Variants in RFX4 observed in about 807,000 individuals in gnomAD.
RFX4 encodes regulatory factor X4.
A neutral mutation model predicts 95.0 loss-of-function variants in RFX4; 10 were observed. That is an observed-to-expected ratio of 0.11 (90% CI 0.06 to 0.18). The LOEUF (loss-of-function observed/expected upper bound fraction) is 0.18. Among genes scored for constraint, RFX4 ranks in the 10% least tolerant of loss-of-function variants. The pLI, the probability that RFX4 is intolerant of heterozygous loss-of-function variation, is 1.00. For synonymous variants in RFX4, 321 were observed against 340.7 expected, an observed-to-expected ratio of 0.94 and a Z score of 0.64; for missense variants, 640 against 922.0, an observed-to-expected ratio of 0.69 and a Z score of 3.96.
At chr12:106,703,998 G>A (rs1346587668) in intron 8 of RFX4, among the ~76,000 whole-genome samples, 1 of 149,848 alleles carries the variant, frequency 6.7e-6, no homozygotes, top group Non-Finnish European at 1.5e-5. Context: ...TCCAGGAGGC[G>A]GAGGTTGCAG....
chr12:106,653,625 T>A (rs573320320), intron 3 of RFX4, among the ~76,000 whole-genome samples: 2 of 152,358 alleles, frequency 1.3e-5, no homozygotes, highest in South Asian at 4.1e-4. Flanking sequence ...TCATTATTCC[T>A]AGCACAGCAG....
At chr12:106,677,797 T>C (rs547107423) in intron 4 of RFX4, among the ~76,000 whole-genome samples, 1 of 152,072 alleles carries the variant, frequency 6.6e-6, no homozygotes, top group African/African-American at 2.4e-5. Flanking sequence ...GTCCAGGCAG[T>C]GAGAGATCAC....
In RFX4 at chr12:106,761,293, G is replaced by T; in HGVS notation, c.2032G>T (p.Val678Leu). The change falls in exon 18 of 18, where the codon GTG becomes TTG. Residue 678 changes from valine (V) to leucine (L), a missense_variant. Val to Leu is a conservative substitution (Grantham distance 32). Coordinates refer to ENST00000392842, the MANE Select transcript of RFX4 (RefSeq NM_213594.3). ...PTPVTPRWPEVPSANTCYTSP... is the reference protein window; with the variant it reads ...PTPVTPRWPELPSANTCYTSP... Reference sequence around the variant, plus strand: ...CCCAGTCACTCCCCGCTGGCCAGAGGTGCCCTCAGCCAACACGTGCTACAC... The same window carrying T: ...CCCAGTCACTCCCCGCTGGCCAGAGTTGCCCTCAGCCAACACGTGCTACAC... 6.2e-7 allele frequency: 1 copy of T among 1,614,052 alleles called. No homozygotes were observed. The highest frequency in any genetic ancestry group is 1.1e-5 in the South Asian group (1 of 91,080).
At chr12:106,716,624 T>G (rs2042297506) in intron 11 of RFX4, among the ~76,000 whole-genome samples, 1 of 152,156 alleles carries the variant, frequency 6.6e-6, no homozygotes, top group Non-Finnish European at 1.5e-5. Flanking sequence ...CTTTCCTGGC[T>G]TAGCCCAAAC....
At chr12:106,598,412 G>T (rs182169311) in intron 1 of RFX4, among the ~76,000 whole-genome samples, 160 of 152,250 alleles carry the variant, frequency 1.1e-3, no homozygotes, top group Non-Finnish European at 1.9e-3. Context: ...TGCTATGTTT[G>T]CTAGAGTTAC....
At chr12:106,610,833 G>C (rs1304904490) in intron 2 of RFX4, among the ~76,000 whole-genome samples, 1 of 152,138 alleles carries the variant, frequency 6.6e-6, no homozygotes, top group Non-Finnish European at 1.5e-5. Flanking sequence ...TATATACCCA[G>C]AAATGAAATT....
chr12:106,660,342 G>A (rs2041047207), intron 4 of RFX4, among the ~76,000 whole-genome samples: 1 of 151,920 alleles, frequency 6.6e-6, no homozygotes, highest in Non-Finnish European at 1.5e-5. Flanking sequence ...TGAGAACCAG[G>A]CTGGTTGTGG....
intron 2 of RFX4, among the ~76,000 whole-genome samples, chr12:106,627,155 A>G (rs17038586): frequency 0.033 from 5,069 of 152,314 alleles, 215 homozygotes; most frequent in African/African-American, 0.099. Flanking sequence ...TATCTATAGC[A>G]AATGGTAGGG....
chr12:106,601,179 G>A, intron 1 of RFX4: 5 of 1,520,436 alleles, frequency 3.3e-6, no homozygotes, highest in Admixed American at 2.0e-5. Context: ...CCCTGGAGAG[G>A]CCACAGCTGC....
At chr12:106,689,194 G>T in intron 6 of RFX4, 93 bp from the exon 7 acceptor site, 1 of 1,059,506 alleles carries the variant, frequency 9.4e-7, no homozygotes, top group Non-Finnish European at 1.5e-6. Flanking sequence ...CCCCCCCACA[G>T]GGAAGAAATG....
chr12:106,587,375 T>C (rs1019142041), intron 1 of RFX4, among the ~76,000 whole-genome samples: 6 of 151,834 alleles, frequency 4.0e-5, no homozygotes, highest in African/African-American at 1.5e-4. Context: ...ATATTATGAG[T>C]GCAGTTGGGG....
intron 1 of RFX4, among the ~76,000 whole-genome samples, chr12:106,602,141 T>C (rs754507350): frequency 3.3e-5 from 5 of 152,210 alleles, no homozygotes; most frequent in Non-Finnish European, 7.3e-5. Flanking sequence ...TCAACTAGCT[T>C]CTCTGGATCT....
At chr12:106,602,271 A>T (rs537825446) in intron 1 of RFX4, among the ~76,000 whole-genome samples, 3 of 152,216 alleles carry the variant, frequency 2.0e-5, no homozygotes, top group African/African-American at 7.2e-5. Context: ...AATGCCAGAC[A>T]TCACCATTAG....
intron 4 of RFX4, chr12:106,680,980 T>G (rs2041495428): frequency 6.6e-6 from 1 of 152,232 alleles, no homozygotes. Flanking sequence ...GTAGTCGAGT[T>G]CCAGAGTTCT....
At chr12:106,651,417 G>A (rs564297183) in intron 3 of RFX4, among the ~76,000 whole-genome samples, 2 of 152,252 alleles carry the variant, frequency 1.3e-5, no homozygotes, top group African/African-American at 4.8e-5. Flanking sequence ...GATACCCAGT[G>A]CCCAGCACCT....
intron 17 of RFX4, among the ~76,000 whole-genome samples, chr12:106,755,441 T>G (rs1347623370): frequency 6.6e-6 from 1 of 152,162 alleles, no homozygotes; most frequent in Non-Finnish European, 1.5e-5. Context: ...CAGAAGGTAA[T>G]GTGCCCCAGG....
chr12:106,707,797 G>GTTGTTGTTGTTT (rs1376597809), intron 8 of RFX4, among the ~76,000 whole-genome samples: 1 of 152,114 alleles, frequency 6.6e-6, no homozygotes, highest in East Asian at 1.9e-4. Flanking sequence ...TGTTGTTGTT[G>GTTGTTGTTGTTT]TTGTTGTTGT....
rs1341883833 is a variant in RFX4, at chr12:106,586,212, T to C, written c.43+2849T>C. 6.6e-6 allele frequency among the ~76,000 whole-genome samples: 1 copy of C among 152,042 alleles called. No individual in the cohort carries two copies. Among genetic ancestry groups the C allele is most frequent in the Non-Finnish European group, 1.5e-5 (1 of 67,972 alleles). On this transcript the variant is annotated intron_variant, in intron 1 of 17. Coordinates refer to ENST00000392842, the MANE Select transcript of RFX4 (RefSeq NM_213594.3). The surrounding 1 kb of genome is among the most constrained non-coding windows in gnomAD (Gnocchi z 5.6). Reference sequence around the variant, plus strand: ...GCGCAGGGGCAGTCGACGCACCTTCTGGCCGGTGCGCGGTTTGCAGTAAGC... The same window carrying C: ...GCGCAGGGGCAGTCGACGCACCTTCCGGCCGGTGCGCGGTTTGCAGTAAGC...
At chr12:106,623,702 T>C (rs1231617591) in intron 2 of RFX4, among the ~76,000 whole-genome samples, 2 of 152,186 alleles carry the variant, frequency 1.3e-5, no homozygotes, top group Admixed American at 6.5e-5. Flanking sequence ...GAAGGAATGC[T>C]TGAGCTAGGG....
Sources: gnomAD v4.1 joint callset for allele counts (sites outside exome capture counted in the v4.1 genomes callset) on GRCh38, gnomAD v4.1.1 for gene constraint, Gnocchi (gnomAD v3.1) non-coding constraint, MANE v1.5 for transcripts, NCBI Gene and HGNC (gene_info 2026-07-23, HGNC 2026-07-21) for gene names.